HLCS: variants seen among roughly 807,000 people sequenced by gnomAD.
HLCS encodes biotin--protein ligase.
Under a neutral mutation model 75.0 loss-of-function variants are expected in HLCS, and 53 were observed. That is an observed-to-expected ratio of 0.71 (90% CI 0.57 to 0.89). The LOEUF (loss-of-function observed/expected upper bound fraction) is 0.89. HLCS is among the 40% of genes least tolerant of loss of function. HLCS has a pLI of 0.00. For missense variants in HLCS, 966 were observed against 1,074.0 expected (o/e 0.90, Z 1.41); for synonymous variants, 431 against 428.6 (o/e 1.01, Z -0.07).
At chr21:36,755,132 C>T (rs956760527) in intron 10 of HLCS, among the ~76,000 whole-genome samples, 6 of 151,756 alleles carry the variant, frequency 4.0e-5, no homozygotes, top group African/African-American at 1.5e-4. Flanking sequence ...TGTGGTAGCT[C>T]ATGTTTGTAA....
intron 6 of HLCS, among the ~76,000 whole-genome samples, chr21:36,779,149 C>CA (rs1568996815): frequency 1.1e-3 from 1 of 876 alleles, no homozygotes; most frequent in African/African-American, 5.0e-3. Context: ...CCTGAGTACA[C>CA]AAAAAATTGG....
In HLCS at chr21:36,937,054, G is replaced by A. The variant is rs1442513230; in HGVS notation, c.832C>T (p.Leu278Phe). 8 of 1,614,024 alleles carry A rather than the reference G, an allele frequency of 5.0e-6. No individual in the cohort carries two copies. The highest frequency in any genetic ancestry group is 5.9e-6 in the Non-Finnish European group (7 of 1,180,034). Residue 278 changes from leucine (L) to phenylalanine (F), a missense_variant, in exon 4 of 11, where the codon CTT becomes TTT. Leu to Phe is a conservative substitution (Grantham distance 22, BLOSUM62 0). Transcript: ENST00000674895. ...KFASAENIPD[L>F]PYDYSSSLES... ...AAACTGCTGCTATAATCGTAGGGAAGGTCTGGAATGTTCTCGGCAGACGCA... is the reference window on the plus strand; with the variant it reads ...AAACTGCTGCTATAATCGTAGGGAAAGTCTGGAATGTTCTCGGCAGACGCA...
rs916046906 is a variant in HLCS at position 36,938,771 on chromosome 21, T to G, written c.493+61A>C. 3 of 1,562,860 alleles carry G rather than the reference T, an allele frequency of 1.9e-6. No individual in the cohort carries two copies. In the African/African-American group the frequency reaches 4.1e-5, roughly 21 times the overall value. On this transcript the variant is annotated intron_variant, in intron 3 of 10. Transcript: ENST00000674895. ...CTCCTGCCTCGGCCTTCCAAAGTGCTGGGATTACAGGCATGAGCCACTATG... is the reference window on the plus strand; with the variant it reads ...CTCCTGCCTCGGCCTTCCAAAGTGCGGGGATTACAGGCATGAGCCACTATG...
intron 1 of HLCS, among the ~76,000 whole-genome samples, chr21:36,985,255 C>T (rs1277429554): frequency 1.3e-5 from 2 of 152,270 alleles, no homozygotes; most frequent in African/African-American, 4.8e-5. Flanking sequence ...TGCAAGGACA[C>T]ACATGTCATT....
chr21:36,971,825 T>C (rs1170567471), intron 1 of HLCS: 1 of 128,344 alleles, frequency 7.8e-6, no homozygotes, highest in African/African-American at 3.0e-5. Context: ...AAAGACTCCA[T>C]CTCAAAAAAA....
chr21:36,868,522 C>T (rs2835513), intron 6 of HLCS, among the ~76,000 whole-genome samples: 44,263 of 151,912 alleles, frequency 0.29, 7,715 homozygotes, highest in African/African-American at 0.49. Context: ...ATCTATAGAA[C>T]GTAACAATTT....
intron 6 of HLCS, among the ~76,000 whole-genome samples, chr21:36,815,144 A>G (rs2061624517): frequency 6.6e-6 from 1 of 150,602 alleles, no homozygotes; most frequent in Admixed American, 6.7e-5. Context: ...CTCCTGCTTC[A>G]GGCTCCTGAG....
intron 6 of HLCS, among the ~76,000 whole-genome samples, chr21:36,779,902 C>T (rs1015017): frequency 0.1 from 15,634 of 152,096 alleles, 2,667 homozygotes; most frequent in African/African-American, 0.35. Context: ...TGTCACACTC[C>T]CCTACCCATT....
chr21:36,888,016 T>C (rs140533622), intron 6 of HLCS, among the ~76,000 whole-genome samples: 25 of 152,304 alleles, frequency 1.6e-4, no homozygotes, highest in African/African-American at 5.5e-4. Context: ...GCTCAATCTA[T>C]TCACTTCGCC....
chr21:36,792,331 T>C lies in HLCS; in HGVS notation c.1893-25046A>G, dbSNP rs114303072. Among the ~76,000 whole-genome samples, 1,515 of 152,182 alleles carry C rather than the reference T, an allele frequency of 1.0e-2. 32 individuals are homozygous for C. The highest frequency in any genetic ancestry group is 0.034 in the African/African-American group (1,421 of 41,504). ...GGGACGGCTGCCATCTGTGTGTCACTGTTATCAGTGGTCAGAGCAGAAGTA... is the reference window on the plus strand; with the variant it reads ...GGGACGGCTGCCATCTGTGTGTCACCGTTATCAGTGGTCAGAGCAGAAGTA... On this transcript the variant is annotated intron_variant, in intron 6 of 10. Coordinates refer to ENST00000674895, the MANE Select transcript of HLCS (RefSeq NM_001352514.2).
chr21:36,766,200 T>C (rs2145772738), intron 7 of HLCS, among the ~76,000 whole-genome samples: 1 of 152,138 alleles, frequency 6.6e-6, no homozygotes, highest in East Asian at 1.9e-4. Context: ...ATTTTTGTAT[T>C]TTTTTTAAGA....
At chr21:36,793,295 C>CTTTTTTTTTTTTTTTTT (rs761549990) in intron 6 of HLCS, among the ~76,000 whole-genome samples, 18 of 116,246 alleles carry the variant, frequency 1.5e-4, no homozygotes, top group South Asian at 2.8e-4. Context: ...AGGAAGCAGT[C>CTTTTTTTTTTTTTTTTT]TTTTTTTTTT....
rs764580512 is a variant in HLCS, at chr21:36,936,729, T to C, written c.1157A>G (p.Gln386Arg). ...LYQKFMAYLS[Q>R]GGKVLGLSSS... ...AGACAGGCCCAACACCTTCCCTCCC[T>C]GAGAAAGATAGGCCATGAACTTCTG... Residue 386 changes from glutamine to arginine, a missense_variant, in exon 4 of 11, where the codon CAG (glutamine) becomes CGG (arginine). Coordinates refer to ENST00000674895, the MANE Select transcript of HLCS (RefSeq NM_001352514.2). 22 of 1,613,416 alleles carry C rather than the reference T, an allele frequency of 1.4e-5. No individual in the cohort carries two copies. The highest frequency in any genetic ancestry group is 1.9e-5 in the Non-Finnish European group (22 of 1,179,382).
chr21:36,910,094 C>G (rs977224908), intron 5 of HLCS, among the ~76,000 whole-genome samples: 29 of 152,180 alleles, frequency 1.9e-4, no homozygotes, highest in Admixed American at 1.9e-3. Context: ...GAAGCAGAAG[C>G]AAATATTTGT....
intron 6 of HLCS, among the ~76,000 whole-genome samples, chr21:36,845,339 C>T (rs137873649): frequency 1.3e-5 from 2 of 152,270 alleles, no homozygotes; most frequent in East Asian, 3.9e-4. Flanking sequence ...CAAGTGTCAC[C>T]TTCAGAAACT....
At chr21:36,972,932 G>A (rs1357917296) in intron 1 of HLCS, among the ~76,000 whole-genome samples, 1 of 152,146 alleles carries the variant, frequency 6.6e-6, no homozygotes, top group Non-Finnish European at 1.5e-5. Flanking sequence ...AAAAGGACTT[G>A]GGGGCAGACA....
intron 6 of HLCS, among the ~76,000 whole-genome samples, chr21:36,774,255 G>A (rs987744390): frequency 1.3e-5 from 2 of 152,010 alleles, no homozygotes; most frequent in Non-Finnish European, 2.9e-5. Context: ...GGGACCCTGG[G>A]GATATTATTC....
At chr21:36,944,403 G>A (rs1228432632) in intron 2 of HLCS, among the ~76,000 whole-genome samples, 1 of 152,174 alleles carries the variant, frequency 6.6e-6, no homozygotes, top group Non-Finnish European at 1.5e-5. Context: ...AATGCATTGG[G>A]GTGATGGTAA....
chr21:36,963,398 T>C (rs2068408365), intron 1 of HLCS, among the ~76,000 whole-genome samples: 2 of 152,270 alleles, frequency 1.3e-5, no homozygotes, highest in South Asian at 4.1e-4. Context: ...AACTAAATAA[T>C]GAATGAAAAT....
Sources: allele counts gnomAD v4.1 joint callset (sites outside exome capture counted in the v4.1 genomes callset), GRCh38; gene constraint gnomAD v4.1.1; transcripts MANE v1.5; gene names NCBI Gene and HGNC (gene_info 2026-07-23, HGNC 2026-07-21).